MYH10: variants seen among roughly 807,000 people sequenced by gnomAD.
The protein encoded by MYH10 is myosin heavy chain 10.
MYH10 carries 55 observed loss-of-function variants against 257.8 expected under a neutral mutation model. The observed-to-expected ratio is 0.21, with a 90% CI of 0.17 to 0.27. The LOEUF is 0.27. Among genes scored for constraint, MYH10 ranks in the 10% least tolerant of loss-of-function variants. The pLI, the probability that MYH10 is intolerant of heterozygous loss-of-function variation, is 1.00. For missense variants in MYH10, 1,631 were observed against 2,500.6 expected, an observed-to-expected ratio of 0.65 and a Z score of 7.42; for synonymous variants, 854 against 921.7, an observed-to-expected ratio of 0.93 and a Z score of 1.33.
rs528481525 is a variant in MYH10, at chr17:8,489,389, C to T, written c.4884+951G>A. Among the ~76,000 whole-genome samples, 194 of 152,230 alleles carry T rather than the reference C, an allele frequency of 1.3e-3. 2 individuals carry two copies. The highest frequency in any genetic ancestry group is 4.2e-3 in the African/African-American group (175 of 41,544). ...TCAATAATTAGTGGAGTGAAAATAA[C>T]AAAATAAAGCAAAATTCAGTAATTC... On this transcript the variant is annotated intron_variant, in intron 35 of 42. Transcript: ENST00000360416.
intron 1 of MYH10, among the ~76,000 whole-genome samples, chr17:8,626,965 G>A (rs2085706412): frequency 6.6e-6 from 1 of 152,110 alleles, no homozygotes; most frequent in Non-Finnish European, 1.5e-5. Context: ...AGAAGCAGTA[G>A]ATTATATATC....
At chr17:8,495,458 G>A (rs1257618711) in intron 30 of MYH10, among the ~76,000 whole-genome samples, 1 of 151,986 alleles carries the variant, frequency 6.6e-6, no homozygotes, top group African/African-American at 2.4e-5. Flanking sequence ...CACCTTAATA[G>A]TCTCTACCCA....
chr17:8,527,162 C>T (rs773140377), intron 17 of MYH10, among the ~76,000 whole-genome samples: 2 of 152,162 alleles, frequency 1.3e-5, no homozygotes, highest in African/African-American at 4.8e-5. Flanking sequence ...ATCCCTGTTA[C>T]GTGGTACTGT....
At chr17:8,609,502 T>TA (rs1203688610) in intron 2 of MYH10, among the ~76,000 whole-genome samples, 1 of 152,116 alleles carries the variant, frequency 6.6e-6, no homozygotes, top group African/African-American at 2.4e-5. Context: ...AAATTATCTA[T>TA]AAAATAACTA....
rs375542459 is a variant in MYH10 at position 8,565,576 on chromosome 17, G to A, written c.756+4144C>T. Among the ~76,000 whole-genome samples, 16 of 152,150 alleles carry A rather than the reference G, an allele frequency of 1.1e-4. No individual in the cohort carries two copies. In the East Asian group the frequency reaches 1.7e-3, roughly 16 times the overall value. On this transcript the variant is annotated intron_variant, in intron 7 of 42. Coordinates refer to ENST00000360416, the MANE Select transcript of MYH10 (RefSeq NM_001256012.3). ...CAATTTAAAGATATCTCTGTTTCTTGGTCGAATTGAAAGCTACGTCTAAGA... is the reference window on the plus strand; with the variant it reads ...CAATTTAAAGATATCTCTGTTTCTTAGTCGAATTGAAAGCTACGTCTAAGA...
intron 21 of MYH10, among the ~76,000 whole-genome samples, chr17:8,515,752 C>T (rs748835230): frequency 1.3e-4 from 19 of 151,920 alleles, no homozygotes; most frequent in Non-Finnish European, 2.5e-4. Context: ...CCATGTTGGC[C>T]AGGCTGGTCT....
intron 2 of MYH10, among the ~76,000 whole-genome samples, chr17:8,620,263 G>A (rs984995965): frequency 2.6e-5 from 4 of 152,008 alleles, no homozygotes; most frequent in East Asian, 1.9e-4. Flanking sequence ...ATAATAAAAA[G>A]ATAACTTAAA....
At chr17:8,575,083 C>A (rs1217510666) in intron 6 of MYH10, among the ~76,000 whole-genome samples, 1 of 152,152 alleles carries the variant, frequency 6.6e-6, no homozygotes, top group Non-Finnish European at 1.5e-5. Context: ...ACATGCAGTA[C>A]GACATGCAAA....
chr17:8,499,686 A>G (rs963078497), intron 29 of MYH10, among the ~76,000 whole-genome samples: 1 of 152,192 alleles, frequency 6.6e-6, no homozygotes, highest in African/African-American at 2.4e-5. Context: ...CGAGGAGCAG[A>G]TGCAGATATT....
Position 8,475,818 on chromosome 17 carries a change from G to T in MYH10, c.6010C>A (p.Pro2004Thr), listed in dbSNP as rs559508716. The T allele has an allele frequency of 3.1e-6, 5 of 1,614,186 alleles. No individual in the cohort carries two copies. The African/African-American group carries it at 5.3e-5, about 17-fold the overall frequency. Residue 2004 changes from proline to threonine, a missense_variant, in exon 43 of 43, where the codon CCC becomes ACC. This residue lies in a region of MYH10 where 343 missense variants were observed against 389.5 expected (regional missense o/e 0.88). Transcript: ENST00000360416. ...TTCCTGCAACTTTACTCTGACTGGG[G>T]TGGCTGCGTCTCGTTGACATCACTG... ...KTSDVNETQPPQSE is the reference protein window; with the variant it reads ...KTSDVNETQPTQSE
intron 17 of MYH10, among the ~76,000 whole-genome samples, chr17:8,529,553 T>C (rs2151920656): frequency 6.6e-6 from 1 of 152,330 alleles, no homozygotes; most frequent in East Asian, 1.9e-4. Context: ...TTTAGAGATC[T>C]CTTCCTTTGG....
chr17:8,521,724 TA>T (rs2081661504), intron 17 of MYH10, among the ~76,000 whole-genome samples: 1 of 152,174 alleles, frequency 6.6e-6, no homozygotes, highest in South Asian at 2.1e-4. Context: ...ACTTAACAAA[TA>T]ACCTCAGGGA....
intron 7 of MYH10, among the ~76,000 whole-genome samples, chr17:8,562,555 T>C (rs2083033000): frequency 6.6e-6 from 1 of 152,216 alleles, no homozygotes. Context: ...CACTCCATAA[T>C]TGATTTGCAT....
chr17:8,619,842 C>T (rs2085399998), intron 2 of MYH10, among the ~76,000 whole-genome samples: 1 of 152,058 alleles, frequency 6.6e-6, no homozygotes, highest in Non-Finnish European at 1.5e-5. Flanking sequence ...AGGAGAATCA[C>T]TTGAACCGGG....
intron 14 of MYH10, among the ~76,000 whole-genome samples, chr17:8,541,451 A>T (rs145978157): frequency 9.3e-4 from 141 of 152,354 alleles, no homozygotes; most frequent in Non-Finnish European, 1.6e-3. Context: ...ACTGATAAGG[A>T]GTACAGAACC....
Position 8,492,474 on chromosome 17 carries a change from A to G in MYH10, c.4494T>C (p.Tyr1498=), listed in dbSNP as rs1377887700. The G allele has an allele frequency of 9.3e-6, 15 of 1,612,272 alleles. No homozygotes were observed. Among genetic ancestry groups the G allele is most frequent in the African/African-American group, 1.3e-5 (1 of 74,912 alleles). ...CTTCGGCCCGGTCCCGCTCTTCGGC[A>G]TAGCGAGCAGAGATGCTCTTCTCTT... is the stretch of plus-strand genomic sequence containing the variant. ...LAEEKSISAR[Y]AEERDRAEAE... The change falls in exon 34 of 43, where the codon TAT becomes TAC. Residue 1498 remains tyrosine (Y), a synonymous_variant. Coordinates refer to ENST00000360416, the MANE Select transcript of MYH10 (RefSeq NM_001256012.3).
chr17:8,548,880 A>C (rs1275380239), intron 9 of MYH10, 93 bp from the exon 10 acceptor site: 15 of 1,094,608 alleles, frequency 1.4e-5, no homozygotes, highest in Non-Finnish European at 1.7e-5. Context: ...GTCACAGGAG[A>C]GCAGTGGTCA....
intron 1 of MYH10, among the ~76,000 whole-genome samples, chr17:8,624,486 C>T (rs1438848399): frequency 1.3e-5 from 2 of 152,204 alleles, no homozygotes; most frequent in Non-Finnish European, 2.9e-5. Flanking sequence ...AGTACCTACT[C>T]TTGCTCTATC....
At chr17:8,487,322 C>A in intron 36 of MYH10, 111 bp downstream of exon 36, 1 of 1,323,112 alleles carries the variant, frequency 7.6e-7, no homozygotes, top group East Asian at 2.3e-5. Flanking sequence ...GCCCCACCCC[C>A]GGCCACGCTG....
Sources: gnomAD v4.1 joint callset for allele counts (sites outside exome capture counted in the v4.1 genomes callset) on GRCh38, gnomAD v4.1.1 for gene constraint, gnomAD v4.1.1 regional missense constraint, MANE v1.5 for transcripts, NCBI Gene and HGNC (gene_info 2026-07-23, HGNC 2026-07-21) for gene names.